Variants in NR2F1-AS1 observed in about 807,000 individuals in gnomAD.
NR2F1-AS1 encodes the protein NR2F1 regulatory antisense RNA 1.
intron 4 of NR2F1-AS1, among the ~76,000 whole-genome samples, chr5:93,445,781 C>T (rs1353786319): frequency 8.5e-5 from 13 of 152,128 alleles, no homozygotes; most frequent in Non-Finnish European, 1.6e-4. Flanking sequence ...CCCTGATGAA[C>T]ATCAATGCAA....
chr5:93,462,915 G>T (rs1750129824), intron 4 of NR2F1-AS1, among the ~76,000 whole-genome samples: 1 of 152,096 alleles, frequency 6.6e-6, no homozygotes, highest in African/African-American at 2.4e-5. Context: ...GTTTTAAAAG[G>T]GAAACAGAGC....
At chr5:93,517,832 G>C (rs1467278940) in intron 4 of NR2F1-AS1, among the ~76,000 whole-genome samples, 3 of 151,932 alleles carry the variant, frequency 2.0e-5, no homozygotes, top group African/African-American at 2.4e-5. Flanking sequence ...CATATTCTAG[G>C]GAAAACTGGG....
chr5:93,509,205 T>TA (rs1319613351), intron 4 of NR2F1-AS1, among the ~76,000 whole-genome samples: 3 of 152,052 alleles, frequency 2.0e-5, no homozygotes, highest in South Asian at 4.1e-4. Context: ...GAATGCTGAG[T>TA]AAAAAAACAA....
At chr5:93,434,781 C>G (rs1319416404) in intron 4 of NR2F1-AS1, among the ~76,000 whole-genome samples, 1 of 152,164 alleles carries the variant, frequency 6.6e-6, no homozygotes, top group Non-Finnish European at 1.5e-5. Flanking sequence ...ATAGTACATG[C>G]AATTTCCTTT....
chr5:93,496,549 C>T (rs1750964038), intron 4 of NR2F1-AS1, among the ~76,000 whole-genome samples: 1 of 152,136 alleles, frequency 6.6e-6, no homozygotes, highest in Admixed American at 6.6e-5. Context: ...TTAATTTATA[C>T]ATTATGAAAA....
intron 1 of NR2F1-AS1, chr5:93,570,735 T>A (rs1752737838): frequency 6.6e-6 from 1 of 152,212 alleles, no homozygotes; most frequent in South Asian, 2.1e-4. Context: ...CGCCGACGTC[T>A]CAGTGCGCAG....
At chr5:93,462,193 C>T (rs1284423248) in intron 4 of NR2F1-AS1, among the ~76,000 whole-genome samples, 6 of 152,324 alleles carry the variant, frequency 3.9e-5, no homozygotes, top group African/African-American at 1.2e-4. Flanking sequence ...ACAATTCCCA[C>T]ATGTCATGGG....
chr5:93,418,328 C>A (rs772399966), intron 4 of NR2F1-AS1, among the ~76,000 whole-genome samples: 4 of 152,152 alleles, frequency 2.6e-5, no homozygotes, highest in South Asian at 2.1e-4. Context: ...AAACTTCCCA[C>A]CTGTAATCCC....
At chr5:93,491,554 G>GA (rs1317661508) in intron 4 of NR2F1-AS1, among the ~76,000 whole-genome samples, 1 of 152,166 alleles carries the variant, frequency 6.6e-6, no homozygotes, top group Non-Finnish European at 1.5e-5. Flanking sequence ...GTGTGTCTGT[G>GA]AGAGTGTGTC....
chr5:93,472,701 G>C (rs908630961), intron 4 of NR2F1-AS1, among the ~76,000 whole-genome samples: 4 of 151,680 alleles, frequency 2.6e-5, no homozygotes, highest in Admixed American at 6.6e-5. Context: ...GGTACATTTA[G>C]TACCTAAGCA....
intron 3 of NR2F1-AS1, chr5:93,553,932 C>G (rs1752290108): frequency 6.6e-6 from 1 of 152,092 alleles, no homozygotes. Context: ...GAAATAAAAC[C>G]TATGCCCTTG....
chr5:93,568,093 T>C (rs760016730), intron 1 of NR2F1-AS1, among the ~76,000 whole-genome samples: 2 of 152,210 alleles, frequency 1.3e-5, no homozygotes, highest in Non-Finnish European at 2.9e-5. Context: ...ATTTAAGATA[T>C]ATGTTACTTC....
At chr5:93,456,633 A>G (rs1335718130) in intron 4 of NR2F1-AS1, among the ~76,000 whole-genome samples, 1 of 151,962 alleles carries the variant, frequency 6.6e-6, no homozygotes, top group African/African-American at 2.4e-5. Flanking sequence ...AACTAGTACA[A>G]CTCAAATAAT....
chr5:93,429,478 C>A (rs1749265730), intron 4 of NR2F1-AS1, among the ~76,000 whole-genome samples: 1 of 152,182 alleles, frequency 6.6e-6, no homozygotes, highest in South Asian at 2.1e-4. Flanking sequence ...TGCAGCAAGT[C>A]ACAGAAGTGC....
chr5:93,528,902 T>TG (rs1466941797), intron 4 of NR2F1-AS1, among the ~76,000 whole-genome samples: 2 of 123,580 alleles, frequency 1.6e-5, no homozygotes, highest in African/African-American at 6.2e-5. Context: ...TTCTCGGGGG[T>TG]GGGGGGCTAG....
At chr5:93,582,622 A>G (rs1406366497), upstream of NR2F1-AS1, among the ~76,000 whole-genome samples, 1 of 152,170 alleles carries the variant, frequency 6.6e-6, no homozygotes, top group Non-Finnish European at 1.5e-5. Context: ...TTTTCCAAAC[A>G]TTTTCAATGA....
chr5:93,490,929 A>G (rs1210856779), intron 4 of NR2F1-AS1, among the ~76,000 whole-genome samples: 54 of 90,290 alleles, frequency 6.0e-4, no homozygotes, highest in South Asian at 1.2e-3. Context: ...AGTGGTGGTG[A>G]TGGTGGTGGT....
intron 4 of NR2F1-AS1, among the ~76,000 whole-genome samples, chr5:93,439,357 G>A (rs771990990): frequency 2.6e-5 from 4 of 152,136 alleles, no homozygotes; most frequent in Non-Finnish European, 5.9e-5. Flanking sequence ...GGAGTGGCGC[G>A]ATCTCGGCTC....
chr5:93,538,332 T>C (rs1289923968), intron 4 of NR2F1-AS1, among the ~76,000 whole-genome samples: 1 of 151,920 alleles, frequency 6.6e-6, no homozygotes, highest in Non-Finnish European at 1.5e-5. Flanking sequence ...AAATTAGCCA[T>C]GCATGGTGGC....
Sources: allele counts gnomAD v4.1 joint callset (sites outside exome capture counted in the v4.1 genomes callset), GRCh38; gene constraint gnomAD v4.1.1; transcripts MANE v1.5; gene names NCBI Gene and HGNC (gene_info 2026-07-23, HGNC 2026-07-21).